Variants in CAPN12 observed in about 807,000 individuals in gnomAD.
CAPN12 encodes the protein calpain-12.
CAPN12 carries 107 observed loss-of-function variants against 95.0 expected under a neutral mutation model. The ratio of observed to expected loss-of-function variants is 1.13; its 90% CI spans 0.96 to 1.32. The LOEUF (loss-of-function observed/expected upper bound fraction) is 1.32. CAPN12 is among the 40% of genes most tolerant of loss of function. The probability of loss-of-function intolerance (pLI) is 0.00; values close to 1 mark genes in which losing one functional copy is unlikely to be tolerated. For synonymous variants in CAPN12, 505 were observed against 415.5 expected (o/e 1.22, Z -2.62); for missense variants, 1,136 against 997.8 (o/e 1.14, Z -1.87).
chr19:38,733,385 C>A, intron 18 of CAPN12: 1 of 344,460 alleles, frequency 2.9e-6, no homozygotes, highest in South Asian at 4.6e-5. Flanking sequence ...ACCATGCTGC[C>A]CTGGGGGCCA....
At position 38,737,154 on chromosome 19, in the gene CAPN12, A is replaced by G. The variant is rs376367007; in HGVS notation, c.1362+2T>C. On this transcript the variant is annotated splice_donor_variant, in intron 10 of 20. Transcript: ENST00000328867. LOFTEE classifies it high-confidence loss of function. Reference sequence around the variant, plus strand: ...CAGCCTCAGCTTTGCCCAGGACCTCACCTGGAACACGTGGAAGCCAACGGT... The same window carrying G: ...CAGCCTCAGCTTTGCCCAGGACCTCGCCTGGAACACGTGGAAGCCAACGGT... The G allele has an allele frequency of 4.1e-5, 61 of 1,506,034 alleles. No homozygotes were observed. The African/African-American group carries it at 7.7e-4, about 19-fold the overall frequency. 93.3% of individuals were successfully genotyped at this position (1,506,034 alleles called of 1,614,324 possible). A position where few individuals can be genotyped will look rare whatever the true frequency, so the allele number is the denominator to read the frequency against.
intron 14 of CAPN12, 49 bp from the exon 15 acceptor site, chr19:38,734,919 C>G (rs758080734): frequency 6.3e-7 from 1 of 1,583,334 alleles, no homozygotes; most frequent in East Asian, 2.3e-5. Flanking sequence ...TCCAGCTGCT[C>G]TGGGCCAAGC....
intron 6 of CAPN12, 30 bp downstream of exon 6, chr19:38,738,544 C>T (rs1393666921): frequency 6.2e-7 from 1 of 1,613,774 alleles, no homozygotes; most frequent in Admixed American, 1.7e-5. Flanking sequence ...CTGGACATGG[C>T]CTGCCACCCC....
rs1482295873 is a variant in CAPN12, at chr19:38,737,220, C to T, written c.1298G>A (p.Arg433His). ...CTTGGCTCTCAGGCGCCGCCGGTTG[C>T]GCTGGATGAGGGACAGAAGGACCGT... ...KCTVLLSLIQRNRRRLRAKGL... is the reference protein window; with the variant it reads ...KCTVLLSLIQHNRRRLRAKGL... The change falls in exon 10 of 21, where the codon CGC (arginine) becomes CAC (histidine). Residue 433 changes from arginine (R) to histidine (H), a missense_variant. By Grantham distance (29) the Arg-to-His change is conservative. Coordinates refer to ENST00000328867, the MANE Select transcript of CAPN12 (RefSeq NM_144691.4). The T allele has an allele frequency of 5.2e-6, 8 of 1,551,080 alleles. No individual in the cohort carries two copies. In the African/African-American group the frequency reaches 6.9e-5, roughly 13 times the overall value.
chr19:38,743,017 G>A lies in CAPN12; in HGVS notation c.307+16C>T. On this transcript the variant is annotated intron_variant, in intron 2 of 20. Coordinates refer to ENST00000328867, the MANE Select transcript of CAPN12 (RefSeq NM_144691.4). ...CTAGCTGGATCTGAGGACTCCAGGTGGGTTCAGGGTCTCACCCAGGCTCCC... is the reference window on the plus strand; with the variant it reads ...CTAGCTGGATCTGAGGACTCCAGGTAGGTTCAGGGTCTCACCCAGGCTCCC... 6.2e-7 allele frequency: 1 copy of A among 1,613,530 alleles called. No individual in the cohort carries two copies. The highest frequency in any genetic ancestry group is 8.5e-7 in the Non-Finnish European group (1 of 1,179,550).
intron 14 of CAPN12, 82 bp downstream of exon 14, chr19:38,735,288 C>G: frequency 7.3e-7 from 1 of 1,372,478 alleles, no homozygotes; most frequent in Non-Finnish European, 9.9e-7. Flanking sequence ...AATGAGACAC[C>G]TGAGATGCTG....
At position 38,738,620 on chromosome 19, in the gene CAPN12, T is replaced by C; in HGVS notation, c.758A>G (p.Glu253Gly). ...LSDRGEYRTE[E>G]GLVKGHAYSI... is the part of the protein sequence containing the mutation. Reference sequence around the variant, plus strand: ...ATACGCGTGTCCCTTTACCAGGCCCTCTTCTGTGCGGTACTCACCCCGATC... The same window carrying C: ...ATACGCGTGTCCCTTTACCAGGCCCCCTTCTGTGCGGTACTCACCCCGATC... Residue 253 changes from glutamate to glycine, a missense_variant, in exon 6 of 21, where the codon GAG becomes GGG. Transcript: ENST00000328867. The C allele has an allele frequency of 1.2e-6, 2 of 1,613,960 alleles. No homozygotes were observed. Among genetic ancestry groups the C allele is most frequent in the Admixed American group, 1.7e-5 (1 of 60,014 alleles).
At chr19:38,742,944 C>T (rs1020112820) in intron 2 of CAPN12, 89 bp downstream of exon 2, 83 of 1,199,030 alleles carry the variant, frequency 6.9e-5, no homozygotes, top group East Asian at 1.2e-4. Context: ...ATCCAGGGGC[C>T]GGGAGTGGGT....
chr19:38,733,397 A>T (rs144359982), intron 18 of CAPN12: 8 of 381,866 alleles, frequency 2.1e-5, no homozygotes, highest in African/African-American at 1.4e-4. Flanking sequence ...TGGGGGCCAG[A>T]CCCTCTCAGA....
intron 15 of CAPN12, 65 bp downstream of exon 15, chr19:38,734,748 A>G: frequency 1.3e-6 from 2 of 1,493,252 alleles, no homozygotes; most frequent in South Asian, 1.2e-5. Flanking sequence ...ATAGGGTGGC[A>G]CCGGCTCTGG....
chr19:38,736,177 TGCTCGGCACCA>T lies in CAPN12; in HGVS notation c.1505_1515del (p.Val502AspfsTer9). On this transcript the variant is annotated frameshift_variant, in exon 12 of 21. Coordinates refer to ENST00000328867, the MANE Select transcript of CAPN12 (RefSeq NM_144691.4). LOFTEE classifies it high-confidence loss of function. ...TCAGCCTCGTCGCCGGCGTGGGCGGTGCTCGGCACCACCAGGTAGTGGCCTGGACGCAGGCA... is the reference window on the plus strand; with the variant it reads ...TCAGCCTCGTCGCCGGCGTGGGCGGTCCAGGTAGTGGCCTGGACGCAGGCA... 4 of 1,512,218 alleles carry T rather than the reference TGCTCGGCACCA, an allele frequency of 2.6e-6. No individual in the cohort carries two copies. The highest frequency in any genetic ancestry group is 2.6e-6 in the Non-Finnish European group (3 of 1,134,414). The allele number at this position is 1,512,218 out of a possible 1,614,324, so 93.7% of individuals were successfully genotyped here.
At chr19:38,742,382 A>AGGCATGGGCGGGGGAAACGGG in intron 3 of CAPN12, 28 bp downstream of exon 3, 1 of 1,456,108 alleles carries the variant, frequency 6.9e-7, no homozygotes, top group Non-Finnish European at 9.6e-7. Context: ...GGGGAAACGG[A>AGGCATGGGCGGGGGAAACGGG]GGCATGGGCA....
intron 12 of CAPN12, 33 bp from the exon 13 acceptor site, chr19:38,735,577 C>T: frequency 1.2e-6 from 2 of 1,602,070 alleles, no homozygotes; most frequent in Non-Finnish European, 1.7e-6. Context: ...GGGGAGGGGG[C>T]TGTTTGCCCC....
chr19:38,734,684 G>T, intron 15 of CAPN12, 129 bp downstream of exon 15: 1 of 823,112 alleles, frequency 1.2e-6, no homozygotes, highest in Non-Finnish European at 1.9e-6. Context: ...ATGCTGCCAG[G>T]CTGAGCCCTG....
In CAPN12 at chr19:38,744,206, C is replaced by A; in HGVS notation, c.-41G>T. The A allele has an allele frequency of 6.3e-7, 1 of 1,589,584 alleles. No homozygotes were observed. Among genetic ancestry groups the A allele is most frequent in the Middle Eastern group, 1.7e-4 (1 of 6,006 alleles). ...ACAAGCCGGCACCAGGCCCTTTAAC[C>A]TCCTGAGTCACGGGGGCGGGGCCTC... On this transcript the variant is annotated 5_prime_UTR_variant, in exon 1 of 21. It adds an upstream start codon to the 5' untranslated region. Coordinates refer to ENST00000328867, the MANE Select transcript of CAPN12 (RefSeq NM_144691.4).
Position 38,734,314 on chromosome 19 carries a change from T to G in CAPN12, c.1815+5A>C, listed in dbSNP as rs768244978. The G allele has an allele frequency of 6.2e-7, 1 of 1,606,422 alleles. No homozygotes were observed. The highest frequency in any genetic ancestry group is 8.5e-7 in the Non-Finnish European group (1 of 1,175,808). ...TCCCTCACCCAGGCACTGCCCCCCA[T>G]GTACCCCGAAACACTGCAGCAGCTG... On this transcript the variant is annotated splice_donor_5th_base_variant and intron_variant, in intron 16 of 20. Transcript: ENST00000328867.
At position 38,737,527 on chromosome 19, in the gene CAPN12, G is replaced by A. The variant is rs1368569376; in HGVS notation, c.1077C>T (p.Phe359=). The part of the protein sequence containing the change: ...PEGGGWHVHT[F]QGRWVRGFNS... The stretch of plus-strand genomic sequence containing the variant: ...TGAAGCCACGCACCCAGCGGCCTTG[G>A]AAGGTGTGGACGTGCCAGCCGCCCC... The change falls in exon 9 of 21, where the codon TTC becomes TTT. Residue 359 remains phenylalanine (F), a synonymous_variant. Transcript: ENST00000328867. 6.2e-7 allele frequency: 1 copy of A among 1,612,552 alleles called. No homozygotes were observed. The highest frequency in any genetic ancestry group is 2.2e-5 in the East Asian group (1 of 44,878).
At chr19:38,740,879 T>C (rs1307026760) in intron 4 of CAPN12, among the ~76,000 whole-genome samples, 2 of 151,354 alleles carry the variant, frequency 1.3e-5, no homozygotes, top group Non-Finnish European at 2.9e-5. Context: ...GGGCCTGTGG[T>C]CCTTGGGGTG....
In CAPN12 at chr19:38,730,558, T is replaced by G. The variant is rs1397467940; in HGVS notation, c.*294A>C. On this transcript the variant is annotated 3_prime_UTR_variant, in exon 21 of 21. Coordinates refer to ENST00000328867, the MANE Select transcript of CAPN12 (RefSeq NM_144691.4). The stretch of plus-strand genomic sequence containing the variant: ...TCCTGCAGCATCATCTTTTTTTATT[T>G]CTCCTGTGTCTGTCCTCCACCTTCT... 1 of 487,918 alleles carries G rather than the reference T, an allele frequency of 2.0e-6. No homozygotes were observed. The highest frequency in any genetic ancestry group is 3.6e-5 in the Admixed American group (1 of 27,988). The allele number at this position is 487,918 out of a possible 1,614,324, so 30.2% of individuals were successfully genotyped here. A position where few individuals can be genotyped will look rare whatever the true frequency, so the allele number is the denominator to read the frequency against.
Sources: gnomAD v4.1 joint callset for allele counts (sites outside exome capture counted in the v4.1 genomes callset) on GRCh38, gnomAD v4.1.1 for gene constraint, MANE v1.5 for transcripts, NCBI Gene and HGNC (gene_info 2026-07-23, HGNC 2026-07-21) for gene names.